The following ZNF677 variants were observed in gnomAD, a reference collection of about 807,000 sequenced individuals.
The protein encoded by ZNF677 is zinc finger protein 677, also known as hypothetical protein MGC48625.
In ZNF677, 5 loss-of-function variants were observed where a neutral mutation model predicts 8.1. The ratio of observed to expected loss-of-function variants is 0.62; its 90% CI spans 0.32 to 1.29. The LOEUF is 1.29. ZNF677 is among the 50% of genes most tolerant of loss of function. ZNF677 has a pLI of 0.05. For synonymous variants in ZNF677, 221 were observed against 225.6 expected, an observed-to-expected ratio of 0.98 and a Z score of 0.18; for missense variants, 685 against 685.9, an observed-to-expected ratio of 1.00 and a Z score of 0.01.
intron 4 of ZNF677, chr19:53,242,687 A>G (rs1051605179): frequency 1.8e-5 from 6 of 338,312 alleles, no homozygotes; most frequent in South Asian, 1.5e-4. Context: ...ATTTTCCTGA[A>G]AAGTTCTTGC....
At position 53,251,622 on chromosome 19, in the gene ZNF677, T is replaced by C. The variant is rs2091235383; in HGVS notation, c.-55-17A>G. The C allele has an allele frequency of 3.1e-6, 5 of 1,595,052 alleles. No individual in the cohort carries two copies. Among genetic ancestry groups the C allele is most frequent in the African/African-American group, 1.3e-5 (1 of 74,596 alleles). On this transcript the variant is annotated splice_polypyrimidine_tract_variant and intron_variant, in intron 2 of 4. Transcript: ENST00000598513. ...TAAGTCAGTCTGTATGTCAAAAATA[T>C]GTTGTTTAATGCTTAAAATCAACAC...
chr19:53,237,103 GTTTCT>G lies in ZNF677; in HGVS notation c.1619_1623del (p.Lys540ThrfsTer3). ...TTACCATGTATATTATGTTTACAAT[GTTTCT>G]TTTCAATGTGTATTTTCTGGTGTCT... On this transcript the variant is annotated frameshift_variant, in exon 5 of 5. Coordinates refer to ENST00000598513, the MANE Select transcript of ZNF677 (RefSeq NM_182609.4). LOFTEE classifies it low-confidence loss of function (END_TRUNC). The G allele has an allele frequency of 6.2e-7, 1 of 1,613,796 alleles. No individual in the cohort carries two copies. Among genetic ancestry groups the G allele is most frequent in the Non-Finnish European group, 8.5e-7 (1 of 1,179,898 alleles).
intron 3 of ZNF677, among the ~76,000 whole-genome samples, chr19:53,247,426 A>G (rs2091163619): frequency 6.6e-6 from 1 of 152,158 alleles, no homozygotes; most frequent in Non-Finnish European, 1.5e-5. Context: ...ATGTTTTAAG[A>G]AAGTTTAAAA....
At chr19:53,251,744 T>TG in intron 2 of ZNF677, 139 bp from the exon 3 acceptor site, 1 of 606,362 alleles carries the variant, frequency 1.6e-6, no homozygotes, top group South Asian at 2.2e-5. Context: ...AATAAACTCA[T>TG]GAAAAAAATT....
At position 53,235,787 on chromosome 19, in the gene ZNF677, G is replaced by T. The variant is rs562396569; in HGVS notation, c.*1185C>A. 6.6e-6 allele frequency: 1 copy of T among 152,150 alleles called. No homozygotes were observed. The highest frequency in any genetic ancestry group is 1.5e-5 in the Non-Finnish European group (1 of 68,030). 9.4% of individuals were successfully genotyped at this position (152,150 alleles called of 1,614,324 possible). On this transcript the variant is annotated 3_prime_UTR_variant, in exon 5 of 5. Coordinates refer to ENST00000598513, the MANE Select transcript of ZNF677 (RefSeq NM_182609.4). ...CTCCTATAATCGACAAAGGTCCCCAGTCACATCAACAATTCTAAGGGGTCC... is the reference window on the plus strand; with the variant it reads ...CTCCTATAATCGACAAAGGTCCCCATTCACATCAACAATTCTAAGGGGTCC...
At chr19:53,251,902 G>A (rs1229117162) in intron 2 of ZNF677, among the ~76,000 whole-genome samples, 2 of 152,138 alleles carry the variant, frequency 1.3e-5, no homozygotes, top group African/African-American at 4.8e-5. Flanking sequence ...CCAAGTTCAT[G>A]GCCAGTATCC....
Position 53,237,803 on chromosome 19 carries a change from C to T in ZNF677, c.924G>A (p.Arg308=), listed in dbSNP as rs771252859. ...KAFNQCSNLT[R]HQRVHTGEKP... ...TCTCTCCTGTATGGACTCTCTGATG[C>T]CTAGTGAGGTTCGAACACTGGTTAA... The change falls in exon 5 of 5, where the codon AGG becomes AGA. Residue 308 remains arginine, a synonymous_variant. Transcript: ENST00000598513. 4 of 1,613,144 alleles carry T rather than the reference C, an allele frequency of 2.5e-6. No homozygotes were observed. In the Admixed American group the frequency reaches 5.0e-5, roughly 20 times the overall value.
rs181793831 is a variant in ZNF677, at chr19:53,253,390, T to C, written c.-126-234A>G. Reference sequence around the variant, plus strand: ...ATAAAAGAATAGTTCCAATATATGATAAAAAGTAGAAAGCATTTAGGCCAG... The same window carrying C: ...ATAAAAGAATAGTTCCAATATATGACAAAAAGTAGAAAGCATTTAGGCCAG... On this transcript the variant is annotated intron_variant, in intron 1 of 4. Transcript: ENST00000598513. 5.8e-4 allele frequency among the ~76,000 whole-genome samples: 88 copies of C among 152,290 alleles called. 2 individuals are homozygous for C. Among genetic ancestry groups the C allele is most frequent in the Admixed American group, 5.0e-3 (76 of 15,302 alleles).
rs781735284 is a variant in ZNF677, at chr19:53,237,265, T to G, written c.1462A>C (p.Lys488Gln). ...AAGGCTTTGCCACATTCAGTACATT[T>G]GTAAGGTTTCTCTCCAGTATGAGTT... Reference protein sequence around the residue: ...QRTHTGEKPYKCTECGKAFTE... With the variant: ...QRTHTGEKPYQCTECGKAFTE... Residue 488 changes from lysine to glutamine, a missense_variant, in exon 5 of 5, where the codon AAA (lysine) becomes CAA (glutamine). Transcript: ENST00000598513. The G allele has an allele frequency of 4.3e-6, 7 of 1,613,794 alleles. No homozygotes were observed. The Middle Eastern group carries it at 9.9e-4, about 228-fold the overall frequency.
Position 53,236,924 on chromosome 19 carries a change from C to A in ZNF677, c.*48G>T. The stretch of plus-strand genomic sequence containing the variant: ...ACATAAGCCATAGCTAAAGGCTTTA[C>A]CACATTTTCGTTTTATATGGTTTCT... On this transcript the variant is annotated 3_prime_UTR_variant, in exon 5 of 5. Coordinates refer to ENST00000598513, the MANE Select transcript of ZNF677 (RefSeq NM_182609.4). The A allele has an allele frequency of 6.7e-7, 1 of 1,498,702 alleles. No individual in the cohort carries two copies. Among genetic ancestry groups the A allele is most frequent in the Non-Finnish European group, 8.9e-7 (1 of 1,125,674 alleles). The allele number at this position is 1,498,702 out of a possible 1,614,324, so 92.8% of individuals were successfully genotyped here.
At chr19:53,250,727 T>A (rs1003871302) in intron 3 of ZNF677, among the ~76,000 whole-genome samples, 2 of 152,082 alleles carry the variant, frequency 1.3e-5, no homozygotes, top group Non-Finnish European at 2.9e-5. Context: ...GGTACGAGGT[T>A]TAATATCTGG....
intron 3 of ZNF677, among the ~76,000 whole-genome samples, chr19:53,249,906 C>T (rs1428182617): frequency 1.3e-5 from 2 of 151,946 alleles, no homozygotes; most frequent in Admixed American, 6.6e-5. Flanking sequence ...GAGTTTTGCT[C>T]TTGTTGCTCA....
chr19:53,239,691 T>A (rs532630903), intron 4 of ZNF677: 1 of 152,022 alleles, frequency 6.6e-6, no homozygotes, highest in South Asian at 2.1e-4. Context: ...ACTTGACATA[T>A]CTTATTCATA....
At position 53,237,663 on chromosome 19, in the gene ZNF677, G is replaced by A; in HGVS notation, c.1064C>T (p.Ala355Val). 1 of 1,612,836 alleles carries A rather than the reference G, an allele frequency of 6.2e-7. No homozygotes were observed. Among genetic ancestry groups the A allele is most frequent in the Non-Finnish European group, 8.5e-7 (1 of 1,179,444 alleles). Residue 355 changes from alanine to valine, a missense_variant, in exon 5 of 5, where the codon GCA (alanine) becomes GTA (valine). Physicochemically the swap from Ala to Val is moderately conservative, Grantham distance 64. Coordinates refer to ENST00000598513, the MANE Select transcript of ZNF677 (RefSeq NM_182609.4). ...CCAAAGGTGTGAACGCTGGATAAAT[G>A]CCTTACCACATTCATTACATTTGTA... ...KPYKCNECGK[A>V]FIQRSHLWGH...
chr19:53,249,700 C>T (rs930877420), intron 3 of ZNF677, among the ~76,000 whole-genome samples: 6 of 151,700 alleles, frequency 4.0e-5, no homozygotes, highest in Non-Finnish European at 5.9e-5. Flanking sequence ...AGCATCACTG[C>T]ATGACATTTT....
Position 53,236,828 on chromosome 19 carries a change from G to T in ZNF677, c.*144C>A. ...TGATGTTCCACAAGGCTTGAACTTT[G>T]GATAAGCCTTGCCATACATGTTATC... On this transcript the variant is annotated 3_prime_UTR_variant, in exon 5 of 5. Coordinates refer to ENST00000598513, the MANE Select transcript of ZNF677 (RefSeq NM_182609.4). 1.4e-6 allele frequency: 1 copy of T among 696,104 alleles called. No individual in the cohort carries two copies. The highest frequency in any genetic ancestry group is 2.2e-6 in the Non-Finnish European group (1 of 452,068). The allele number at this position is 696,104 out of a possible 1,614,324, so 43.1% of individuals were successfully genotyped here.
chr19:53,243,668 T>G (rs1318027733), intron 4 of ZNF677, 76 bp downstream of exon 4: 13 of 1,590,142 alleles, frequency 8.2e-6, no homozygotes, highest in Non-Finnish European at 1.0e-5. Context: ...AGAACAGGGA[T>G]CGGATTCAGA....
intron 3 of ZNF677, among the ~76,000 whole-genome samples, chr19:53,248,662 G>A (rs943051832): frequency 6.6e-6 from 1 of 152,126 alleles, no homozygotes; most frequent in Non-Finnish European, 1.5e-5. Context: ...AGTTTCTGAT[G>A]AGAATTTGGC....
At chr19:53,238,591 T>A (rs879188495) in intron 4 of ZNF677, 34 bp from the exon 5 acceptor site, 1 of 1,499,620 alleles carries the variant, frequency 6.7e-7, no homozygotes, top group South Asian at 1.4e-5. Flanking sequence ...AGGCTTTCCA[T>A]CAAATAGAGT....
Sources: allele counts gnomAD v4.1 joint callset (sites outside exome capture counted in the v4.1 genomes callset), GRCh38; gene constraint gnomAD v4.1.1; transcripts MANE v1.5; gene names NCBI Gene and HGNC (gene_info 2026-07-23, HGNC 2026-07-21).